NHSL3: variants seen among roughly 807,000 people sequenced by gnomAD.
NHSL3 encodes NHS like 3.
chr1:32,742,028 A>G, the NHSL3 span: 437 of 1,251,448 alleles, frequency 3.5e-4, 1 homozygote, highest in Non-Finnish European at 4.1e-4. Context: ...CCGCGCAGGA[A>G]GAAGTCCCGC....
At chr1:32,742,053 C>T in the NHSL3 span, 1 of 1,262,980 alleles carries the variant, frequency 7.9e-7, no homozygotes, top group Non-Finnish European at 1.0e-6. Flanking sequence ...GCGCGTCCGG[C>T]CTCCGCCGCG....
the NHSL3 span, chr1:32,771,661 C>G: frequency 3.1e-6 from 5 of 1,611,372 alleles, no homozygotes; most frequent in Non-Finnish European, 4.2e-6. Context: ...TTTGCAGATT[C>G]AGCCCCCGGG....
chr1:32,770,987 C>T, the NHSL3 span: 2 of 1,604,406 alleles, frequency 1.2e-6, no homozygotes, highest in South Asian at 1.1e-5. The surrounding 1 kb of genome is among the most constrained non-coding windows in gnomAD (Gnocchi z 8.3). Flanking sequence ...GGTCCCCCTG[C>T]TTCCCCAGGC....
chr1:32,744,485 T>G, the NHSL3 span, among the ~76,000 whole-genome samples: 1 of 152,318 alleles, frequency 6.6e-6, no homozygotes, highest in South Asian at 2.1e-4. Flanking sequence ...TCAAATCACC[T>G]GCCTCAAAAA....
the NHSL3 span, chr1:32,772,277 T>TCCCCCC: frequency 6.3e-7 from 1 of 1,587,390 alleles, no homozygotes; most frequent in Non-Finnish European, 8.6e-7. Flanking sequence ...TCTGTGGGAG[T>TCCCCCC]CCCCCCACCC....
chr1:32,742,040 C>T, the NHSL3 span: 2 of 1,259,626 alleles, frequency 1.6e-6, no homozygotes, highest in South Asian at 2.9e-5. Flanking sequence ...AAGTCCCGCT[C>T]CGGCGCGTCC....
At chr1:32,755,090 C>T in the NHSL3 span, among the ~76,000 whole-genome samples, 2 of 152,122 alleles carry the variant, frequency 1.3e-5, no homozygotes, top group African/African-American at 2.4e-5. Flanking sequence ...GCCTCCAATC[C>T]CAAGAGATGG....
the NHSL3 span, chr1:32,770,128 T>A: frequency 3.2e-6 from 5 of 1,565,250 alleles, no homozygotes; most frequent in South Asian, 5.9e-5. This position sits in a 1 kb window ranked among gnomAD's most constrained non-coding sequence, Gnocchi z 8.3. Flanking sequence ...GGCCCCACCA[T>A]TGACCCGGCC....
chr1:32,768,597 C>T, the NHSL3 span: 1 of 1,595,416 alleles, frequency 6.3e-7, no homozygotes, highest in Non-Finnish European at 8.6e-7. Flanking sequence ...AAAAAAAGTT[C>T]CAATGGGGAG....
At chr1:32,766,580 C>T in the NHSL3 span, among the ~76,000 whole-genome samples, 1 of 152,186 alleles carries the variant, frequency 6.6e-6, no homozygotes, top group East Asian at 1.9e-4. Flanking sequence ...TTCCTGCAGA[C>T]TCCCTAGGGC....
chr1:32,756,909 C>G, the NHSL3 span, among the ~76,000 whole-genome samples: 1 of 151,736 alleles, frequency 6.6e-6, no homozygotes, highest in South Asian at 2.1e-4. Flanking sequence ...GTGGAGGTTG[C>G]AGCGAGCCGA....
At chr1:32,755,114 C>G in the NHSL3 span, among the ~76,000 whole-genome samples, 2 of 152,178 alleles carry the variant, frequency 1.3e-5, no homozygotes, top group Non-Finnish European at 2.9e-5. Context: ...TCCTGTTTCC[C>G]CCAACAAGTG....
At chr1:32,745,361 C>T in the NHSL3 span, among the ~76,000 whole-genome samples, 1 of 151,690 alleles carries the variant, frequency 6.6e-6, no homozygotes, top group Non-Finnish European at 1.5e-5. Context: ...AGTTTAAGAC[C>T]AGCCTGACCA....
chr1:32,744,050 A>G, the NHSL3 span, among the ~76,000 whole-genome samples: 80 of 152,286 alleles, frequency 5.3e-4, no homozygotes, highest in Non-Finnish European at 9.6e-4. Flanking sequence ...CTCCACTGGC[A>G]ACGCTGGCCA....
At chr1:32,772,072 T>G in the NHSL3 span, 1 of 1,612,418 alleles carries the variant, frequency 6.2e-7, no homozygotes, top group Non-Finnish European at 8.5e-7. Flanking sequence ...GCCTCCCCAG[T>G]CCCCTGCCTC....
chr1:32,765,827 G>A, the NHSL3 span: 1 of 1,546,524 alleles, frequency 6.5e-7, no homozygotes, highest in African/African-American at 1.4e-5. Context: ...TAAGAAGAAG[G>A]GTGAGTGGGT....
the NHSL3 span, chr1:32,771,759 G>T: frequency 6.2e-7 from 1 of 1,613,660 alleles, no homozygotes; most frequent in African/African-American, 1.3e-5. Context: ...AGAAGGAACC[G>T]GTGGGCTGTA....
chr1:32,770,902 G>T, the NHSL3 span: 1 of 1,610,518 alleles, frequency 6.2e-7, no homozygotes. The surrounding 1 kb of genome is among the most constrained non-coding windows in gnomAD (Gnocchi z 8.3). Flanking sequence ...ACGGTCCCCA[G>T]AACGGACACT....
At chr1:32,748,051 A>C in the NHSL3 span, among the ~76,000 whole-genome samples, 1 of 152,220 alleles carries the variant, frequency 6.6e-6, no homozygotes, top group South Asian at 2.1e-4. Context: ...CAGAGGTTGC[A>C]GTGAGCTGTG....
Sources: gnomAD v4.1 joint callset for allele counts (sites outside exome capture counted in the v4.1 genomes callset) on GRCh38, gnomAD v4.1.1 for gene constraint, Gnocchi (gnomAD v3.1) non-coding constraint, MANE v1.5 for transcripts, NCBI Gene and HGNC (gene_info 2026-07-23, HGNC 2026-07-21) for gene names.